Variants in RGS20 observed in about 807,000 individuals in gnomAD.
The protein encoded by RGS20 is gz-selective GTPase-activating protein.
In RGS20, 30 loss-of-function variants were observed where a neutral mutation model predicts 33.6. That is an observed-to-expected ratio of 0.89 (90% confidence interval 0.67 to 1.21). The LOEUF is 1.21. Ranked by LOEUF, RGS20 falls within the 50% of genes most tolerant of loss-of-function variation. The pLI is 0.00. For missense variants in RGS20, 472 were observed against 502.4 expected (o/e 0.94, Z 0.58); for synonymous variants, 208 against 197.9 (o/e 1.05, Z -0.43).
intron 4 of RGS20, among the ~76,000 whole-genome samples, chr8:53,947,202 A>G (rs576300795): frequency 7.6e-5 from 11 of 145,212 alleles, no homozygotes; most frequent in African/African-American, 2.7e-4. Context: ...TACACGCTAT[A>G]TAAGATATAG....
chr8:53,908,533 G>A (rs374268086), intron 2 of RGS20, among the ~76,000 whole-genome samples: 5 of 151,930 alleles, frequency 3.3e-5, no homozygotes, highest in African/African-American at 1.2e-4. Flanking sequence ...CCAGCTACTC[G>A]GGAGGCTGAG....
chr8:53,944,269 A>G (rs572679365), intron 3 of RGS20, among the ~76,000 whole-genome samples: 87 of 152,206 alleles, frequency 5.7e-4, no homozygotes, highest in Middle Eastern at 3.4e-3. Flanking sequence ...GCCAGGCGCG[A>G]TGGCTCACGC....
intron 1 of RGS20, among the ~76,000 whole-genome samples, chr8:53,870,364 T>C (rs1339166976): frequency 6.6e-6 from 1 of 152,250 alleles, no homozygotes; most frequent in Non-Finnish European, 1.5e-5. Context: ...CCTGCTCTGC[T>C]ATTTTCTAGA....
At chr8:53,942,335 G>A (rs190242770) in intron 3 of RGS20, among the ~76,000 whole-genome samples, 8 of 152,010 alleles carry the variant, frequency 5.3e-5, no homozygotes, top group Non-Finnish European at 1.2e-4. Flanking sequence ...GCGCACACCT[G>A]TAGTCCCAGC....
chr8:53,872,407 G>A (rs1324856625), intron 1 of RGS20, among the ~76,000 whole-genome samples: 2 of 152,068 alleles, frequency 1.3e-5, no homozygotes, highest in African/African-American at 4.8e-5. Context: ...TGATTTGGTT[G>A]CCCTTATTCA....
intron 1 of RGS20, among the ~76,000 whole-genome samples, chr8:53,871,616 CAAA>C (rs758318571): frequency 7.4e-4 from 104 of 139,912 alleles, no homozygotes; most frequent in African/African-American, 2.9e-3. Context: ...GAGTCCATCT[CAAA>C]AAAAAAATAA....
At chr8:53,855,900 A>G (rs1050934915) in intron 1 of RGS20, among the ~76,000 whole-genome samples, 8 of 152,148 alleles carry the variant, frequency 5.3e-5, no homozygotes, top group African/African-American at 1.9e-4. Context: ...ATGTGGTCTG[A>G]CCTGTTTTAG....
At chr8:53,870,645 T>C (rs1025346600) in intron 1 of RGS20, among the ~76,000 whole-genome samples, 4 of 152,152 alleles carry the variant, frequency 2.6e-5, no homozygotes, top group Non-Finnish European at 4.4e-5. Flanking sequence ...CTTTCCTCCT[T>C]GGTCTTTTTC....
intron 1 of RGS20, among the ~76,000 whole-genome samples, chr8:53,866,198 G>A (rs983640837): frequency 6.6e-6 from 1 of 152,140 alleles, no homozygotes; most frequent in Non-Finnish European, 1.5e-5. Flanking sequence ...TTTAGGAACG[G>A]AAGGAACATG....
chr8:53,948,217 GTA>G (rs1318609017), intron 4 of RGS20, among the ~76,000 whole-genome samples: 2 of 135,906 alleles, frequency 1.5e-5, no homozygotes, highest in African/African-American at 2.7e-5. Flanking sequence ...ATATAAGATA[GTA>G]TATATATTTA....
At chr8:53,930,609 G>A (rs184649901) in intron 2 of RGS20, among the ~76,000 whole-genome samples, 376 of 152,230 alleles carry the variant, frequency 2.5e-3, no homozygotes, top group African/African-American at 7.7e-3. Flanking sequence ...GCAGTGGCAC[G>A]ATCTCAGTTC....
chr8:53,863,919 G>C (rs1238158259), intron 1 of RGS20, among the ~76,000 whole-genome samples: 1 of 151,844 alleles, frequency 6.6e-6, no homozygotes, highest in Non-Finnish European at 1.5e-5. Context: ...AGTAGAGACA[G>C]GGTTTCACCA....
intron 1 of RGS20, chr8:53,852,113 T>A (rs1811579632): frequency 6.6e-7 from 1 of 1,508,854 alleles, no homozygotes; most frequent in Non-Finnish European, 9.0e-7. Context: ...AGGGAAAGTG[T>A]TTACCCAGAA....
intron 2 of RGS20, among the ~76,000 whole-genome samples, chr8:53,890,956 C>T (rs919683238): frequency 3.9e-5 from 6 of 152,182 alleles, no homozygotes; most frequent in African/African-American, 1.4e-4. Context: ...TCTCCTTGGT[C>T]TCAAAAGAAT....
intron 1 of RGS20, among the ~76,000 whole-genome samples, chr8:53,872,764 T>C (rs1812107598): frequency 1.3e-5 from 2 of 152,154 alleles, no homozygotes; most frequent in African/African-American, 2.4e-5. Context: ...AATGAGAGAA[T>C]AAAGAGTAAT....
intron 5 of RGS20, among the ~76,000 whole-genome samples, chr8:53,957,363 G>A (rs1479692352): frequency 6.6e-6 from 1 of 152,212 alleles, no homozygotes; most frequent in Admixed American, 6.5e-5. Flanking sequence ...CCACAGCGCT[G>A]GGATTACAGG....
At chr8:53,926,234 TG>T (rs1813791981) in intron 2 of RGS20, among the ~76,000 whole-genome samples, 1 of 152,266 alleles carries the variant, frequency 6.6e-6, no homozygotes, top group Non-Finnish European at 1.5e-5. Context: ...AAAATGGATT[TG>T]GGATTTGAGT....
chr8:53,951,739 G>A lies in RGS20; in HGVS notation c.744-2337G>A, dbSNP rs186211119. On this transcript the variant is annotated intron_variant, in intron 4 of 5. Transcript: ENST00000297313. ...AAGTTAGAAATTAAAAAATAAAGCCGAGCACTGCGGCACACGCCTGTGATC... is the reference window on the plus strand; with the variant it reads ...AAGTTAGAAATTAAAAAATAAAGCCAAGCACTGCGGCACACGCCTGTGATC... Among the ~76,000 whole-genome samples the A allele has an allele frequency of 2.7e-3, 416 of 151,980 alleles. 4 individuals are homozygous for A. Among genetic ancestry groups the A allele is most frequent in the African/African-American group, 9.3e-3 (384 of 41,500 alleles).
intron 2 of RGS20, among the ~76,000 whole-genome samples, chr8:53,928,745 C>T (rs1813870802): frequency 6.6e-6 from 1 of 151,962 alleles, no homozygotes; most frequent in Non-Finnish European, 1.5e-5. Context: ...ATTGCTTGAA[C>T]CTGGGAGGCA....
Sources: allele counts gnomAD v4.1 joint callset (sites outside exome capture counted in the v4.1 genomes callset), GRCh38; gene constraint gnomAD v4.1.1; transcripts MANE v1.5; gene names NCBI Gene and HGNC (gene_info 2026-07-23, HGNC 2026-07-21).